The following AOPEP variants were observed in gnomAD, a reference collection of about 807,000 sequenced individuals.
AOPEP encodes the protein aminopeptidase O.
AOPEP carries 77 observed loss-of-function variants against 98.1 expected under a neutral mutation model. The ratio of observed to expected loss-of-function variants is 0.78; its 90% CI spans 0.65 to 0.95. The LOEUF (loss-of-function observed/expected upper bound fraction) is 0.95. AOPEP is among the 40% of genes least tolerant of loss of function. The probability of loss-of-function intolerance (pLI) is 0.00; values close to 1 mark genes in which losing one functional copy is unlikely to be tolerated. For synonymous variants in AOPEP, 346 were observed against 365.3 expected (o/e 0.95, Z 0.60); for missense variants, 1,024 against 1,024.7 (o/e 1.00, Z 0.01).
chr9:95,067,220 G>A (rs761321160), intron 14 of AOPEP, among the ~76,000 whole-genome samples: 14 of 152,282 alleles, frequency 9.2e-5, no homozygotes, highest in Non-Finnish European at 2.1e-4. Flanking sequence ...TAGGATGTGA[G>A]CTTTACCCCT....
chr9:94,939,483 TC>T (rs1316472481), intron 7 of AOPEP, among the ~76,000 whole-genome samples: 1 of 152,058 alleles, frequency 6.6e-6, no homozygotes, highest in African/African-American at 2.4e-5. Context: ...ACTCCAGAGC[TC>T]CTCCGCCCTT....
intron 13 of AOPEP, among the ~76,000 whole-genome samples, chr9:95,017,129 A>G (rs1346427511): frequency 6.6e-6 from 1 of 152,082 alleles, no homozygotes; most frequent in Non-Finnish European, 1.5e-5. Flanking sequence ...CCAGGAGAAA[A>G]GCAGAATGTA....
At chr9:95,138,861 G>A in the AOPEP span, among the ~76,000 whole-genome samples, 6 of 152,296 alleles carry the variant, frequency 3.9e-5, 1 homozygote, top group South Asian at 4.1e-4. Context: ...TGCGTGATGC[G>A]CCCATTCTAG....
At chr9:95,099,153 G>T in the AOPEP span, 2 of 216,656 alleles carry the variant, frequency 9.2e-6, no homozygotes, top group East Asian at 1.4e-4. Context: ...GAGTCCAGGG[G>T]AATAACAGCC....
chr9:95,090,324 C>G (rs78465159), downstream of AOPEP, among the ~76,000 whole-genome samples: 39 of 152,370 alleles, frequency 2.6e-4, no homozygotes, highest in East Asian at 3.1e-3. Context: ...AGTCCTTCCC[C>G]CTGAGGCCGC....
chr9:94,844,119 G>C (rs997478817), intron 5 of AOPEP, among the ~76,000 whole-genome samples: 1 of 151,982 alleles, frequency 6.6e-6, no homozygotes, highest in Non-Finnish European at 1.5e-5. Context: ...ACAATGATGC[G>C]ATCTCGGCTC....
chr9:94,976,509 C>T (rs1210798934), intron 10 of AOPEP, among the ~76,000 whole-genome samples: 1 of 152,194 alleles, frequency 6.6e-6, no homozygotes, highest in East Asian at 1.9e-4. Context: ...GGATATTTAA[C>T]CTCAGTTCCC....
the AOPEP span, among the ~76,000 whole-genome samples, chr9:95,096,791 AGTGCGTG>A: frequency 1.3e-5 from 2 of 152,250 alleles, no homozygotes; most frequent in Admixed American, 6.5e-5. Context: ...AGTATGTGTC[AGTGCGTG>A]GTACGCTTCA....
intron 11 of AOPEP, among the ~76,000 whole-genome samples, chr9:94,982,451 A>G (rs2060243790): frequency 1.3e-5 from 2 of 152,168 alleles, no homozygotes; most frequent in East Asian, 3.8e-4. Flanking sequence ...AACAGCATGT[A>G]GGCGCACATT....
chr9:94,936,087 C>G (rs1305892917), intron 7 of AOPEP, among the ~76,000 whole-genome samples: 5 of 152,194 alleles, frequency 3.3e-5, no homozygotes, highest in African/African-American at 9.6e-5. Context: ...CTCTTCACCA[C>G]TTGCTTGTAG....
Position 94,894,307 on chromosome 9 carries a change from C to T in AOPEP, c.1365-29679C>T, listed in dbSNP as rs78012613. Among the ~76,000 whole-genome samples the T allele has an allele frequency of 7.4e-3, 1,132 of 152,194 alleles. 14 individuals are homozygous for T. The highest frequency in any genetic ancestry group is 0.026 in the African/African-American group (1,093 of 41,528). On this transcript the variant is annotated intron_variant, in intron 5 of 16. Transcript: ENST00000375315. ...GCCAAAACCAATAAAACAGAGATAA[C>T]ATTGGCTAACTGCATTAAGAGGGGA... is the stretch of plus-strand genomic sequence containing the variant.
At chr9:94,886,588 C>G (rs939264652) in intron 5 of AOPEP, among the ~76,000 whole-genome samples, 8 of 151,938 alleles carry the variant, frequency 5.3e-5, no homozygotes, top group Non-Finnish European at 1.2e-4. Context: ...TCTGAGTTAG[C>G]ATTAAGAAAA....
At chr9:94,728,858 G>A (rs1829878985) in intron 1 of AOPEP, among the ~76,000 whole-genome samples, 1 of 152,232 alleles carries the variant, frequency 6.6e-6, no homozygotes, top group South Asian at 2.1e-4. Context: ...AGGAAGAAAT[G>A]TGTGGAAGTT....
chr9:95,101,713 T>C, the AOPEP span: 1 of 1,613,976 alleles, frequency 6.2e-7, no homozygotes, highest in South Asian at 1.1e-5. Context: ...CCTTCTAGAC[T>C]TGAGTTCGCA....
Position 94,833,151 on chromosome 9 carries a change from G to T in AOPEP, c.1364+32149G>T, listed in dbSNP as rs2041100860. Among the ~76,000 whole-genome samples the T allele has an allele frequency of 2.0e-5, 3 of 149,958 alleles. No individual in the cohort carries two copies. The South Asian group carries it at 6.3e-4, about 31-fold the overall frequency. On this transcript the variant is annotated intron_variant, in intron 5 of 16. Transcript: ENST00000375315. The stretch of plus-strand genomic sequence containing the variant: ...GGGTTTCACCATGTTGGCCAGGCTG[G>T]TCTTGAACTCCTGACCTAAAGTGAT...
At chr9:95,105,063 TG>T in the AOPEP span, among the ~76,000 whole-genome samples, 1 of 152,250 alleles carries the variant, frequency 6.6e-6, no homozygotes, top group Non-Finnish European at 1.5e-5. Context: ...CTCGCTGTGC[TG>T]GGGCCGGGCC....
At chr9:94,879,649 A>G (rs779000555) in intron 5 of AOPEP, among the ~76,000 whole-genome samples, 8 of 152,256 alleles carry the variant, frequency 5.3e-5, no homozygotes, top group Admixed American at 2.6e-4. Context: ...ACCAGAAAAC[A>G]TACAAACTAT....
Position 95,035,538 on chromosome 9 carries a change from G to A in AOPEP, c.2116-25156G>A, listed in dbSNP as rs1480577094. Among the ~76,000 whole-genome samples, 24 of 101,690 alleles carry A rather than the reference G, an allele frequency of 2.4e-4. No homozygotes were observed. In the South Asian group the frequency reaches 7.4e-3, roughly 31 times the overall value. 66.7% of individuals were successfully genotyped at this position (101,690 alleles called of 152,430 possible). The stretch of plus-strand genomic sequence containing the variant: ...TTTTTTTTTTTTTTTTTTTTTTTGA[G>A]ACGGAGTTTCGCTCTTGTTGCCCAG... On this transcript the variant is annotated intron_variant, in intron 13 of 16. Transcript: ENST00000375315.
intron 5 of AOPEP, among the ~76,000 whole-genome samples, chr9:94,917,454 G>A (rs947401728): frequency 3.9e-5 from 6 of 152,036 alleles, no homozygotes; most frequent in African/African-American, 7.2e-5. Context: ...CCCCAGTGTC[G>A]TCTGTGCTGT....
Sources: allele counts gnomAD v4.1 joint callset (sites outside exome capture counted in the v4.1 genomes callset), GRCh38; gene constraint gnomAD v4.1.1; transcripts MANE v1.5; gene names NCBI Gene and HGNC (gene_info 2026-07-23, HGNC 2026-07-21).